The following SPEF2 variants were observed in gnomAD, a reference collection of about 807,000 sequenced individuals.
SPEF2 encodes the protein sperm flagellar and cilia associated 2.
In SPEF2, 187 loss-of-function variants were observed where a neutral mutation model predicts 224.6. The ratio of observed to expected loss-of-function variants is 0.83; its 90% confidence interval spans 0.74 to 0.94. The LOEUF (loss-of-function observed/expected upper bound fraction) is 0.94. SPEF2 is among the 40% of genes least tolerant of loss of function. The probability of loss-of-function intolerance (pLI) is 0.00; values close to 1 mark genes in which losing one functional copy is unlikely to be tolerated. For missense variants in SPEF2, 2,170 were observed against 2,135.6 expected (o/e 1.02, Z -0.32); for synonymous variants, 715 against 707.3 (o/e 1.01, Z -0.17).
chr5:35,636,242 A>T (rs1366561124), intron 2 of SPEF2, among the ~76,000 whole-genome samples: 1 of 152,178 alleles, frequency 6.6e-6, no homozygotes, highest in African/African-American at 2.4e-5. Context: ...ATATCTTTCA[A>T]CACTTTGGAC....
intron 34 of SPEF2, among the ~76,000 whole-genome samples, chr5:35,801,280 C>A (rs1757382131): frequency 6.6e-6 from 1 of 152,180 alleles, no homozygotes; most frequent in Non-Finnish European, 1.5e-5. Context: ...CTTTTGGAGG[C>A]CAAGGCGGGT....
intron 10 of SPEF2, among the ~76,000 whole-genome samples, chr5:35,687,591 G>A (rs957537871): frequency 1.6e-4 from 24 of 152,048 alleles, no homozygotes; most frequent in African/African-American, 4.1e-4. Context: ...TCCTGACCTC[G>A]TGATCTGCCC....
intron 30 of SPEF2, among the ~76,000 whole-genome samples, chr5:35,784,431 A>T (rs2149811891): frequency 1.3e-5 from 2 of 151,520 alleles, no homozygotes; most frequent in East Asian, 2.0e-4. Context: ...CCCGGGCGAG[A>T]TGGATGGATT....
intron 29 of SPEF2, among the ~76,000 whole-genome samples, chr5:35,778,253 T>C (rs1252262567): frequency 6.6e-6 from 1 of 152,234 alleles, no homozygotes; most frequent in Non-Finnish European, 1.5e-5. Flanking sequence ...CACTTATTCA[T>C]GTATAAAACT....
At chr5:35,767,762 T>C (rs1752280091) in intron 26 of SPEF2, among the ~76,000 whole-genome samples, 2 of 152,114 alleles carry the variant, frequency 1.3e-5, no homozygotes, top group South Asian at 4.1e-4. Flanking sequence ...TTAGATTTTT[T>C]ATAAATGGGA....
intron 10 of SPEF2, among the ~76,000 whole-genome samples, chr5:35,687,839 T>G (rs1304740338): frequency 6.6e-6 from 1 of 152,222 alleles, no homozygotes; most frequent in South Asian, 2.1e-4. Flanking sequence ...AGTCAAATTT[T>G]GAAGCTTTCT....
At chr5:35,623,297 G>A (rs755486235) in intron 1 of SPEF2, among the ~76,000 whole-genome samples, 33 of 152,122 alleles carry the variant, frequency 2.2e-4, no homozygotes, top group Non-Finnish European at 4.0e-4. Flanking sequence ...CTTCAGCAGG[G>A]TTTGTTTGTT....
intron 28 of SPEF2, among the ~76,000 whole-genome samples, chr5:35,774,465 A>G (rs1209674600): frequency 1.1e-4 from 16 of 152,178 alleles, no homozygotes; most frequent in Admixed American, 8.5e-4. Context: ...ACTAAAGGCT[A>G]ACAGGCCCTG....
intron 11 of SPEF2, among the ~76,000 whole-genome samples, chr5:35,691,458 G>A (rs1754471241): frequency 6.6e-6 from 1 of 152,184 alleles, no homozygotes; most frequent in Non-Finnish European, 1.5e-5. Context: ...CTACAACATG[G>A]ATGATCCTTC....
chr5:35,717,755 G>A (rs901003219), intron 20 of SPEF2, among the ~76,000 whole-genome samples: 1 of 152,144 alleles, frequency 6.6e-6, no homozygotes, highest in Non-Finnish European at 1.5e-5. Flanking sequence ...ACTTCCCAAG[G>A]CTCCACCTTA....
At chr5:35,799,194 C>G (rs7701519) in intron 33 of SPEF2, among the ~76,000 whole-genome samples, 4,105 of 152,276 alleles carry the variant, frequency 0.027, 210 homozygotes, top group African/African-American at 0.095. Flanking sequence ...TTCTCCAGGT[C>G]ATAAATATAC....
chr5:35,628,416 C>T lies in SPEF2; in HGVS notation c.59-44C>T, dbSNP rs557203950. On this transcript the variant is annotated intron_variant, in intron 1 of 36. Transcript: ENST00000356031. ...TTAAAGAGATCATTAGCTCTATGCG[C>T]AACATTGTATTCATGGTTTTTATCT... 6.1e-6 allele frequency: 8 copies of T among 1,309,472 alleles called. No individual in the cohort carries two copies. The South Asian group carries it at 9.6e-5, about 16-fold the overall frequency. 81.1% of individuals were successfully genotyped at this position (1,309,472 alleles called of 1,614,324 possible). A position where few individuals can be genotyped will look rare whatever the true frequency, so the allele number is the denominator to read the frequency against.
At chr5:35,812,511 GA>G (rs1393979011) in intron 36 of SPEF2, among the ~76,000 whole-genome samples, 8 of 152,108 alleles carry the variant, frequency 5.3e-5, no homozygotes, top group African/African-American at 1.9e-4. Context: ...GAGGATATTG[GA>G]ACTGGGTTGT....
chr5:35,812,081 C>A (rs1758578349), intron 36 of SPEF2, among the ~76,000 whole-genome samples: 1 of 152,140 alleles, frequency 6.6e-6, no homozygotes, highest in African/African-American at 2.4e-5. Flanking sequence ...AGCCACCGCA[C>A]CTGGCCTCCC....
chr5:35,662,895 A>G (rs1197374460), intron 8 of SPEF2, among the ~76,000 whole-genome samples: 1 of 152,028 alleles, frequency 6.6e-6, no homozygotes, highest in African/African-American at 2.4e-5. Context: ...TGTTCTTGTC[A>G]TTTTTATTGT....
chr5:35,700,129 T>C (rs2078973072), intron 15 of SPEF2: 3 of 191,212 alleles, frequency 1.6e-5, no homozygotes, highest in African/African-American at 7.1e-5. Context: ...TCTGCCGTGA[T>C]TGTGAGGCTT....
chr5:35,717,730 C>T (rs528064904), intron 20 of SPEF2, among the ~76,000 whole-genome samples: 1 of 152,264 alleles, frequency 6.6e-6, no homozygotes, highest in Admixed American at 6.5e-5. Flanking sequence ...CTCCTCCCCA[C>T]CGCAAATGAT....
intron 26 of SPEF2, among the ~76,000 whole-genome samples, chr5:35,765,196 G>A (rs1466112536): frequency 6.6e-6 from 1 of 152,128 alleles, no homozygotes; most frequent in African/African-American, 2.4e-5. Flanking sequence ...TTGAGCTTTA[G>A]ATAAATGGAC....
chr5:35,759,788 C>G, intron 25 of SPEF2, 69 bp downstream of exon 25: 1 of 1,354,326 alleles, frequency 7.4e-7, no homozygotes, highest in South Asian at 2.0e-5. Flanking sequence ...AAATTAATTA[C>G]CACTAATAAA....
Sources: gnomAD v4.1 joint callset for allele counts (sites outside exome capture counted in the v4.1 genomes callset) on GRCh38, gnomAD v4.1.1 for gene constraint, MANE v1.5 for transcripts, NCBI Gene and HGNC (gene_info 2026-07-23, HGNC 2026-07-21) for gene names.